Variants in EFTUD2 observed in about 807,000 individuals in gnomAD.
The protein encoded by EFTUD2 is elongation factor Tu GTP binding domain containing 2.
In EFTUD2, 9 loss-of-function variants were observed where a neutral mutation model predicts 114.3. That is an observed-to-expected ratio of 0.08 (90% CI 0.05 to 0.14). The LOEUF is 0.14. EFTUD2 is among the 10% of genes least tolerant of loss of function. The probability of loss-of-function intolerance (pLI) is 1.00; values close to 1 mark genes in which losing one functional copy is unlikely to be tolerated. For synonymous variants in EFTUD2, 449 were observed against 462.3 expected, an observed-to-expected ratio of 0.97 and a Z score of 0.37; for missense variants, 765 against 1,241.2, an observed-to-expected ratio of 0.62 and a Z score of 5.76.
chr17:44,860,931 G>A (rs532252335), intron 16 of EFTUD2, among the ~76,000 whole-genome samples: 7 of 152,202 alleles, frequency 4.6e-5, no homozygotes, highest in African/African-American at 1.2e-4. Flanking sequence ...TACTTGCTGC[G>A]TGCCAAGAGC....
chr17:44,869,915 G>A (rs976864184), intron 11 of EFTUD2, among the ~76,000 whole-genome samples: 3 of 152,184 alleles, frequency 2.0e-5, no homozygotes, highest in South Asian at 2.1e-4. Context: ...ATAGAAGTCC[G>A]AAGTTGTTCA....
chr17:44,860,524 G>A lies in EFTUD2; in HGVS notation c.1627C>T (p.Arg543Cys), dbSNP rs1017504685. Reference protein sequence around the residue: ...SVARYHIEVNRVPAGNWVLIE... With the variant: ...SVARYHIEVNCVPAGNWVLIE... ...AGAACCCAGTTGCCAGCAGGAACAC[G>A]GTTCACCTCGATGTGGTACCTGAAG... The change falls in exon 17 of 28, where the codon CGT (arginine) becomes TGT (cysteine). Residue 543 changes from arginine to cysteine, a missense_variant. Physicochemically the swap from Arg to Cys is radical, Grantham distance 180. Around this residue, in one of 6 missense-constraint regions of EFTUD2, gnomAD observed 149 missense variants for 245.1 expected, o/e 0.61. Transcript: ENST00000426333. The A allele has an allele frequency of 1.2e-6, 2 of 1,613,396 alleles. No homozygotes were observed. The highest frequency in any genetic ancestry group is 1.1e-5 in the South Asian group (1 of 91,060).
chr17:44,864,321 G>A (rs573221726), intron 14 of EFTUD2, among the ~76,000 whole-genome samples: 98 of 152,248 alleles, frequency 6.4e-4, no homozygotes, highest in African/African-American at 1.9e-3. Context: ...TTAAAACTAC[G>A]CACCTTGGGG....
rs369311719 is a variant in EFTUD2, at chr17:44,894,991, A to G, written c.-4-466T>C. Among the ~76,000 whole-genome samples the G allele has an allele frequency of 1.6e-4, 24 of 152,380 alleles. No individual in the cohort carries two copies. The South Asian group carries it at 4.8e-3, about 30-fold the overall frequency. Reference sequence around the variant, plus strand: ...TATTTGAAAGTGAGCTGTTGACACAATGGCTCATCACCTCCTAATACTTTA... The same window carrying G: ...TATTTGAAAGTGAGCTGTTGACACAGTGGCTCATCACCTCCTAATACTTTA... On this transcript the variant is annotated intron_variant, in intron 1 of 27. Transcript: ENST00000426333.
At chr17:44,898,084 C>T (rs1301889405) in intron 1 of EFTUD2, among the ~76,000 whole-genome samples, 1 of 152,140 alleles carries the variant, frequency 6.6e-6, no homozygotes, top group Non-Finnish European at 1.5e-5. Context: ...CTCCAAGGAC[C>T]AATAATTAAA....
chr17:44,878,104 C>A (rs112623280), intron 9 of EFTUD2, among the ~76,000 whole-genome samples: 29 of 152,198 alleles, frequency 1.9e-4, no homozygotes, highest in African/African-American at 7.0e-4. Context: ...CCACTTCACT[C>A]CAGCCTGGGC....
intron 15 of EFTUD2, chr17:44,863,195 T>G (rs2050688735): frequency 6.5e-6 from 2 of 309,750 alleles, no homozygotes; most frequent in Non-Finnish European, 1.2e-5. Context: ...GATTACTTAC[T>G]GTCCCAAATT....
At chr17:44,862,999 T>TC in intron 15 of EFTUD2, 93 bp from the exon 16 acceptor site, 1 of 1,065,564 alleles carries the variant, frequency 9.4e-7, no homozygotes, top group Non-Finnish European at 1.4e-6. Flanking sequence ...GGACATGAGC[T>TC]CTATGAGGAG....
At position 44,894,426 on chromosome 17, in the gene EFTUD2, A is replaced by C. The variant is rs138014155; in HGVS notation, c.96T>G (p.Asp32Glu). Residue 32 changes from aspartate to glutamate, a missense_variant, in exon 2 of 28, where the codon GAT becomes GAG. Physicochemically the swap from Asp to Glu is conservative, Grantham distance 45 (BLOSUM62 2). Coordinates refer to ENST00000426333, the MANE Select transcript of EFTUD2 (RefSeq NM_004247.4). ...AATATATTTGTTTTACCTCATCAAG[A>C]TCTTTGGTCTCTCTACCCAATTCAT... is the stretch of plus-strand genomic sequence containing the variant. ...DDDELGRETKDLDEMDDDDDD... is the reference protein window; with the variant it reads ...DDDELGRETKELDEMDDDDDD... 1 of 1,611,248 alleles carries C rather than the reference A, an allele frequency of 6.2e-7. No individual in the cohort carries two copies. Among genetic ancestry groups the C allele is most frequent in the African/African-American group, 1.3e-5 (1 of 74,868 alleles).
chr17:44,879,928 T>A (rs1370899962), intron 8 of EFTUD2, among the ~76,000 whole-genome samples: 1 of 150,896 alleles, frequency 6.6e-6, no homozygotes, highest in East Asian at 2.0e-4. Flanking sequence ...GTAAGTAGAG[T>A]TCTGTGGGAT....
At chr17:44,892,740 C>A (rs2051304792) in intron 2 of EFTUD2, among the ~76,000 whole-genome samples, 1 of 146,994 alleles carries the variant, frequency 6.8e-6, no homozygotes, top group African/African-American at 2.5e-5. Context: ...CGGGTTCAAG[C>A]AATTCTCCTG....
At chr17:44,856,594 T>A (rs778207818) in intron 20 of EFTUD2, among the ~76,000 whole-genome samples, 1 of 151,872 alleles carries the variant, frequency 6.6e-6, no homozygotes, top group Non-Finnish European at 1.5e-5. Flanking sequence ...TCCCAACAAT[T>A]TGGGAGGCCA....
chr17:44,878,749 C>A (rs957633219), intron 9 of EFTUD2, among the ~76,000 whole-genome samples: 1 of 152,138 alleles, frequency 6.6e-6, no homozygotes, highest in Non-Finnish European at 1.5e-5. Flanking sequence ...TTGAACAATT[C>A]TTGAAGCTTT....
At chr17:44,886,440 A>T in intron 3 of EFTUD2, 145 bp downstream of exon 3, 1 of 1,405,388 alleles carries the variant, frequency 7.1e-7, no homozygotes, top group Non-Finnish European at 9.4e-7. Flanking sequence ...AAAAAGGATT[A>T]ACTAAATCTT....
chr17:44,890,129 T>C (rs1432472406), intron 2 of EFTUD2, among the ~76,000 whole-genome samples: 2 of 152,074 alleles, frequency 1.3e-5, no homozygotes, highest in Non-Finnish European at 2.9e-5. Flanking sequence ...TGCCTTAGCC[T>C]CTGGGCATGC....
intron 12 of EFTUD2, 22 bp from the exon 13 acceptor site, chr17:44,867,919 G>C: frequency 1.3e-6 from 2 of 1,560,734 alleles, no homozygotes; most frequent in Non-Finnish European, 1.7e-6. Context: ...AATAAGTTCT[G>C]AGTGACCCAG....
At chr17:44,872,007 G>A (rs1013874577) in intron 11 of EFTUD2, among the ~76,000 whole-genome samples, 1 of 152,212 alleles carries the variant, frequency 6.6e-6, no homozygotes, top group Admixed American at 6.5e-5. Context: ...CATGTTAGCA[G>A]AGGCCTGTAG....
At chr17:44,898,761 A>T (rs181057659) in intron 1 of EFTUD2, among the ~76,000 whole-genome samples, 89 of 152,340 alleles carry the variant, frequency 5.8e-4, no homozygotes, top group African/African-American at 2.0e-3. Flanking sequence ...CACAAATGTT[A>T]TACATTTATC....
At chr17:44,882,564 G>A (rs1230735821) in intron 6 of EFTUD2, among the ~76,000 whole-genome samples, 2 of 152,176 alleles carry the variant, frequency 1.3e-5, no homozygotes, top group African/African-American at 4.8e-5. Context: ...TGAGTTGGGG[G>A]AGGTCACTAA....
Sources: gnomAD v4.1 joint callset for allele counts (sites outside exome capture counted in the v4.1 genomes callset) on GRCh38, gnomAD v4.1.1 for gene constraint, gnomAD v4.1.1 regional missense constraint, MANE v1.5 for transcripts, NCBI Gene and HGNC (gene_info 2026-07-23, HGNC 2026-07-21) for gene names.